PCDH9: variants seen among roughly 807,000 people sequenced by gnomAD.
PCDH9 encodes protocadherin-9.
PCDH9 carries 24 observed loss-of-function variants against 70.6 expected under a neutral mutation model. The ratio of observed to expected loss-of-function variants is 0.34; its 90% CI spans 0.25 to 0.48. The LOEUF (loss-of-function observed/expected upper bound fraction) is 0.48, where lower values mean the gene tolerates loss of function less well. Among genes scored for constraint, PCDH9 ranks in the 20% least tolerant of loss-of-function variants. The probability of loss-of-function intolerance (pLI) is 0.99; values close to 1 mark genes in which losing one functional copy is unlikely to be tolerated. For synonymous variants in PCDH9, 562 were observed against 558.5 expected (o/e 1.01, Z -0.09); for missense variants, 1,281 against 1,503.6 (o/e 0.85, Z 2.45).
chr13:67,036,659 T>C (rs965693873), intron 2 of PCDH9, among the ~76,000 whole-genome samples: 1 of 152,202 alleles, frequency 6.6e-6, no homozygotes, highest in East Asian at 1.9e-4. Flanking sequence ...AACATGTTGG[T>C]TTTCCCTTTC....
intron 3 of PCDH9, among the ~76,000 whole-genome samples, chr13:66,671,994 T>A (rs2078181542): frequency 6.6e-6 from 1 of 151,978 alleles, no homozygotes; most frequent in South Asian, 2.1e-4. Flanking sequence ...ATGTCAGAGG[T>A]CTTCACAGCA....
intron 4 of PCDH9, among the ~76,000 whole-genome samples, chr13:66,428,431 G>T (rs1256423908): frequency 6.6e-6 from 1 of 151,754 alleles, no homozygotes; most frequent in South Asian, 2.1e-4. Context: ...GTCTTAGCAA[G>T]GGATTTTATA....
chr13:67,011,134 T>A (rs2084443752), intron 2 of PCDH9, among the ~76,000 whole-genome samples: 1 of 152,100 alleles, frequency 6.6e-6, no homozygotes, highest in African/African-American at 2.4e-5. Context: ...TTGCCCCTTT[T>A]AATCATGATG....
At chr13:66,666,631 A>G (rs529254018) in intron 3 of PCDH9, among the ~76,000 whole-genome samples, 1 of 152,226 alleles carries the variant, frequency 6.6e-6, no homozygotes, top group East Asian at 1.9e-4. Context: ...TTGTCTCACT[A>G]CCCTGGGCAA....
At chr13:67,112,990 GC>G (rs1321780936) in intron 2 of PCDH9, among the ~76,000 whole-genome samples, 2 of 152,028 alleles carry the variant, frequency 1.3e-5, no homozygotes, top group Non-Finnish European at 2.9e-5. Context: ...AATGTCTAAG[GC>G]TTTTGCAAGA....
At chr13:66,786,584 C>A (rs1009024316) in intron 3 of PCDH9, among the ~76,000 whole-genome samples, 1 of 152,132 alleles carries the variant, frequency 6.6e-6, no homozygotes, top group Non-Finnish European at 1.5e-5. Flanking sequence ...ATTTTCTTAT[C>A]TTTTAGAAAG....
intron 2 of PCDH9, among the ~76,000 whole-genome samples, chr13:66,940,325 C>A (rs1289757200): frequency 6.6e-6 from 1 of 152,012 alleles, no homozygotes; most frequent in South Asian, 2.1e-4. Flanking sequence ...TTCACAATCA[C>A]CCTGCAGTGT....
rs17504825 is a variant in PCDH9, at chr13:66,514,862, A to G, written c.3340+116348T>C. Among the ~76,000 whole-genome samples, 534 of 152,216 alleles carry G rather than the reference A, an allele frequency of 3.5e-3. 2 individuals are homozygous for G. The highest frequency in any genetic ancestry group is 9.1e-3 in the South Asian group (44 of 4,832). On this transcript the variant is annotated intron_variant, in intron 4 of 4. Transcript: ENST00000377865. ...CTGGTCCACTGGTCTACTGTAGTGTATTTCCGAATTGAATTGAAGATAAAC... is the reference window on the plus strand; with the variant it reads ...CTGGTCCACTGGTCTACTGTAGTGTGTTTCCGAATTGAATTGAAGATAAAC...
At chr13:66,606,473 C>A (rs939975868) in intron 4 of PCDH9, among the ~76,000 whole-genome samples, 1 of 152,130 alleles carries the variant, frequency 6.6e-6, no homozygotes, top group East Asian at 1.9e-4. Flanking sequence ...TTGGAGTAAA[C>A]CTGTATGCTT....
At chr13:66,963,297 A>G (rs947600628) in intron 2 of PCDH9, among the ~76,000 whole-genome samples, 2 of 152,180 alleles carry the variant, frequency 1.3e-5, no homozygotes, top group Non-Finnish European at 2.9e-5. Flanking sequence ...CAGATCACTG[A>G]AAAATTATAG....
intron 2 of PCDH9, among the ~76,000 whole-genome samples, chr13:67,141,542 G>A (rs1047405133): frequency 6.6e-6 from 1 of 152,090 alleles, no homozygotes; most frequent in Non-Finnish European, 1.5e-5. Context: ...CCAGGTTCAA[G>A]TGATTCTCCT....
intron 4 of PCDH9, among the ~76,000 whole-genome samples, chr13:66,443,006 C>T (rs1168020365): frequency 6.6e-6 from 1 of 152,126 alleles, no homozygotes; most frequent in African/African-American, 2.4e-5. Context: ...ACAGGGCAAG[C>T]CAAAAATACA....
chr13:67,107,806 A>C (rs547164346), intron 2 of PCDH9, among the ~76,000 whole-genome samples: 6 of 152,290 alleles, frequency 3.9e-5, no homozygotes, highest in African/African-American at 1.4e-4. Context: ...TGCAGGCAAC[A>C]AGGAGAGAAG....
At chr13:66,439,261 T>C (rs1041197273) in intron 4 of PCDH9, among the ~76,000 whole-genome samples, 1 of 152,208 alleles carries the variant, frequency 6.6e-6, no homozygotes, top group Admixed American at 6.5e-5. Context: ...CTCATCTGCG[T>C]GAACTTCAGA....
chr13:66,687,264 A>T (rs1161157140), intron 3 of PCDH9, among the ~76,000 whole-genome samples: 1 of 152,102 alleles, frequency 6.6e-6, no homozygotes, highest in Admixed American at 6.5e-5. Flanking sequence ...TTGTGACAAG[A>T]TTTTTTTCTC....
rs1955584152 is a variant in PCDH9, at chr13:66,312,681, A to G, written c.3341-7653T>C. Among the ~76,000 whole-genome samples, 3 of 152,142 alleles carry G rather than the reference A, an allele frequency of 2.0e-5. No homozygotes were observed. The South Asian group carries it at 6.2e-4, about 32-fold the overall frequency. On this transcript the variant is annotated intron_variant, in intron 4 of 4. Transcript: ENST00000377865. ...TTTTGAGTGTGAAATTATATTTTGAATAACTACGTTTTTAAATGTAAATAA... is the reference window on the plus strand; with the variant it reads ...TTTTGAGTGTGAAATTATATTTTGAGTAACTACGTTTTTAAATGTAAATAA...
chr13:67,050,262 CT>C (rs2085296875), intron 2 of PCDH9, among the ~76,000 whole-genome samples: 1 of 152,096 alleles, frequency 6.6e-6, no homozygotes, highest in Admixed American at 6.6e-5. Context: ...CACTTCATTG[CT>C]TTTTTCCTCT....
intron 4 of PCDH9, among the ~76,000 whole-genome samples, chr13:66,324,993 T>C (rs1309351869): frequency 6.6e-6 from 1 of 151,976 alleles, no homozygotes; most frequent in African/African-American, 2.4e-5. Flanking sequence ...AATCTAGATC[T>C]AAAATATTTC....
At chr13:66,677,998 T>G (rs1412323766) in intron 3 of PCDH9, among the ~76,000 whole-genome samples, 1 of 152,146 alleles carries the variant, frequency 6.6e-6, no homozygotes, top group Non-Finnish European at 1.5e-5. Context: ...CAGCTTTACT[T>G]AAAAATCAGA....
Sources: allele counts gnomAD v4.1 joint callset (sites outside exome capture counted in the v4.1 genomes callset), GRCh38; gene constraint gnomAD v4.1.1; transcripts MANE v1.5; gene names NCBI Gene and HGNC (gene_info 2026-07-23, HGNC 2026-07-21).